SLC12A8: variants seen among roughly 807,000 people sequenced by gnomAD.
SLC12A8 encodes solute carrier family 12 member 8.
A neutral mutation model predicts 75.6 loss-of-function variants in SLC12A8; 69 were observed. That is an observed-to-expected ratio of 0.91 (90% CI 0.75 to 1.11). The LOEUF (loss-of-function observed/expected upper bound fraction) is 1.11, where lower values mean the gene tolerates loss of function less well. Among genes scored for constraint, SLC12A8 ranks in the 50% most tolerant of loss-of-function variants. The probability of loss-of-function intolerance (pLI) is 0.00; values close to 1 mark genes in which losing one functional copy is unlikely to be tolerated. For synonymous variants in SLC12A8, 365 were observed against 372.8 expected (o/e 0.98, Z 0.24); for missense variants, 877 against 896.7 (o/e 0.98, Z 0.28).
intron 10 of SLC12A8, among the ~76,000 whole-genome samples, chr3:125,103,705 T>A (rs921714302): frequency 6.6e-6 from 1 of 152,106 alleles, no homozygotes; most frequent in African/African-American, 2.4e-5. Flanking sequence ...TGATCACCAC[T>A]CACTGCAGCT....
At chr3:125,098,643 G>A (rs766111989) in intron 10 of SLC12A8, among the ~76,000 whole-genome samples, 3 of 151,358 alleles carry the variant, frequency 2.0e-5, no homozygotes, top group Non-Finnish European at 4.4e-5. Context: ...CAGAGCTCCA[G>A]AAATTTACCA....
At chr3:125,141,251 T>C (rs1410584770) in intron 5 of SLC12A8, among the ~76,000 whole-genome samples, 1 of 152,228 alleles carries the variant, frequency 6.6e-6, no homozygotes, top group Non-Finnish European at 1.5e-5. Flanking sequence ...CTTGAAGCTC[T>C]GTCTGCAGAA....
Position 125,091,388 on chromosome 3 carries a change from G to C in SLC12A8, c.1921+51C>G, listed in dbSNP as rs576903895. On this transcript the variant is annotated intron_variant, in intron 12 of 13. Transcript: ENST00000469902. ...TATTCAAAATCTTTTTTTTCCCAAT[G>C]AATGGTAGAGAGAATGAGGGAACCA... is the stretch of plus-strand genomic sequence containing the variant. 4 of 1,197,756 alleles carry C rather than the reference G, an allele frequency of 3.3e-6. No individual in the cohort carries two copies. The African/African-American group carries it at 6.0e-5, about 18-fold the overall frequency. 74.2% of individuals were successfully genotyped at this position (1,197,756 alleles called of 1,614,324 possible).
chr3:125,207,748 C>T (rs1034273367), intron 2 of SLC12A8, among the ~76,000 whole-genome samples: 1 of 152,322 alleles, frequency 6.6e-6, no homozygotes, highest in South Asian at 2.1e-4. Flanking sequence ...CACAGACAAG[C>T]ACCCAATCAT....
In SLC12A8 at chr3:125,187,312, G is replaced by A. The variant is rs763264482; in HGVS notation, c.315C>T (p.Gly105=). The A allele has an allele frequency of 2.3e-5, 37 of 1,614,072 alleles. No individual in the cohort carries two copies. The highest frequency in any genetic ancestry group is 1.1e-4 in the East Asian group (5 of 44,890). Residue 105 remains glycine (G), a synonymous_variant, in exon 4 of 14, where the codon GGC becomes GGT. Coordinates refer to ENST00000469902, the MANE Select transcript of SLC12A8 (RefSeq NM_024628.6). ...VGERSSIGSG[G]VYSMISSVLG... ...GGACCGAGGAGATCATGGAGTAGAC[G>A]CCACCGCTGCCGATGCTGCTGCGCT...
At chr3:125,180,861 T>C (rs1934643718) in intron 4 of SLC12A8, among the ~76,000 whole-genome samples, 1 of 152,178 alleles carries the variant, frequency 6.6e-6, no homozygotes, top group African/African-American at 2.4e-5. Context: ...CAAAGAGACT[T>C]ACTTTAAGGA....
intron 4 of SLC12A8, among the ~76,000 whole-genome samples, chr3:125,178,981 G>T (rs1023776154): frequency 6.6e-6 from 1 of 152,110 alleles, no homozygotes; most frequent in Non-Finnish European, 1.5e-5. Flanking sequence ...ATATTTGAAA[G>T]ATCATTTCAA....
At position 125,107,764 on chromosome 3, in the gene SLC12A8, A is replaced by G. The variant is rs368539920; in HGVS notation, c.1422T>C (p.Ser474=). ...QLLQLTRKLE[S]SQPRQGEGNR... is the part of the protein sequence containing the mutation. ...TACCCTCTCCTTGCCTGGGCTGGCT[A>G]CTCTCAAGCTTCCTGGTTAGCTGGA... is the stretch of plus-strand genomic sequence containing the variant. The change falls in exon 10 of 14, where the codon AGT becomes AGC. Residue 474 remains serine, a synonymous_variant. Coordinates refer to ENST00000469902, the MANE Select transcript of SLC12A8 (RefSeq NM_024628.6). 6.2e-7 allele frequency: 1 copy of G among 1,613,742 alleles called. No homozygotes were observed. Among genetic ancestry groups the G allele is most frequent in the Non-Finnish European group, 8.5e-7 (1 of 1,179,952 alleles).
chr3:125,184,801 A>G (rs1443038434), intron 4 of SLC12A8, among the ~76,000 whole-genome samples: 2 of 151,890 alleles, frequency 1.3e-5, no homozygotes, highest in Admixed American at 1.3e-4. Flanking sequence ...CAGAGCAGAA[A>G]TGAATTAGGG....
chr3:125,147,266 G>T (rs1034406025), intron 5 of SLC12A8, among the ~76,000 whole-genome samples: 1 of 152,184 alleles, frequency 6.6e-6, no homozygotes, highest in Non-Finnish European at 1.5e-5. Flanking sequence ...ATGAGAGCCG[G>T]CCTTGAGTGA....
chr3:125,108,228 CCA>C (rs761614303), intron 9 of SLC12A8, 102 bp from the exon 10 acceptor site: 27 of 1,105,962 alleles, frequency 2.4e-5, no homozygotes, highest in Non-Finnish European at 3.2e-5. Flanking sequence ...AATGACTCAG[CCA>C]CTTCTCCCCA....
chr3:125,097,696 G>A (rs1255470613), intron 10 of SLC12A8, among the ~76,000 whole-genome samples: 1 of 152,064 alleles, frequency 6.6e-6, no homozygotes, highest in Non-Finnish European at 1.5e-5. Flanking sequence ...ATGACTCTTT[G>A]AATAGGTACT....
At chr3:125,139,382 G>C (rs781245720) in intron 5 of SLC12A8, among the ~76,000 whole-genome samples, 11 of 152,076 alleles carry the variant, frequency 7.2e-5, no homozygotes, top group African/African-American at 9.7e-5. Flanking sequence ...CCCTCACATG[G>C]GCCACTTTCC....
At chr3:125,084,101 T>C (rs575412060) in intron 13 of SLC12A8, 49 bp from the exon 14 acceptor site, 1 of 1,531,010 alleles carries the variant, frequency 6.5e-7, no homozygotes, top group South Asian at 1.2e-5. Flanking sequence ...GAACAGAGAC[T>C]GAACAGTAGA....
chr3:125,173,096 T>C (rs1934440508), intron 5 of SLC12A8, among the ~76,000 whole-genome samples: 1 of 152,104 alleles, frequency 6.6e-6, no homozygotes, highest in Non-Finnish European at 1.5e-5. Flanking sequence ...GGAGAATTGC[T>C]TGAACCCAAG....
chr3:125,120,513 T>TC, intron 7 of SLC12A8, 86 bp downstream of exon 7: 1 of 968,422 alleles, frequency 1.0e-6, no homozygotes. Context: ...CGGGGCACTC[T>TC]CAGAACAAAA....
chr3:125,137,744 T>C (rs752088864), intron 5 of SLC12A8, among the ~76,000 whole-genome samples: 3 of 152,238 alleles, frequency 2.0e-5, no homozygotes, highest in Non-Finnish European at 2.9e-5. Flanking sequence ...TCAGGCCCAA[T>C]AGATGAGTCA....
At chr3:125,105,601 G>A (rs1346132040) in intron 10 of SLC12A8, among the ~76,000 whole-genome samples, 1 of 152,162 alleles carries the variant, frequency 6.6e-6, no homozygotes, top group East Asian at 1.9e-4. Flanking sequence ...TGTAATCATA[G>A]TGTAACATAT....
intron 1 of SLC12A8, 55 bp from the exon 2 acceptor site, chr3:125,211,449 T>C (rs948143248): frequency 3.3e-6 from 3 of 920,026 alleles, no homozygotes; most frequent in African/African-American, 3.2e-5. Context: ...TCTCCCCTTG[T>C]TGTCCATCCT....
Sources: gnomAD v4.1 joint callset for allele counts (sites outside exome capture counted in the v4.1 genomes callset) on GRCh38, gnomAD v4.1.1 for gene constraint, MANE v1.5 for transcripts, NCBI Gene and HGNC (gene_info 2026-07-23, HGNC 2026-07-21) for gene names.